The following PDK1 variants were observed in gnomAD, a reference collection of about 807,000 sequenced individuals.
The protein encoded by PDK1 is [Pyruvate dehydrogenase (acetyl-transferring)] kinase isozyme 1, mitochondrial.
In PDK1, 39 loss-of-function variants were observed where a neutral mutation model predicts 54.2. The ratio of observed to expected loss-of-function variants is 0.72; its 90% confidence interval spans 0.56 to 0.94. The LOEUF (loss-of-function observed/expected upper bound fraction) is 0.94. Ranked by LOEUF, PDK1 falls within the 40% of genes least tolerant of loss-of-function variation. The pLI, the probability that PDK1 is intolerant of heterozygous loss-of-function variation, is 0.00. For missense variants in PDK1, 552 were observed against 566.0 expected (o/e 0.98, Z 0.25); for synonymous variants, 221 against 207.1 (o/e 1.07, Z -0.58).
the PDK1 span, among the ~76,000 whole-genome samples, chr2:172,645,260 CTTTTTTTTTTTTT>C: frequency 7.0e-4 from 36 of 51,144 alleles, no homozygotes; most frequent in African/African-American, 2.0e-3. Flanking sequence ...ACAAAATAGG[CTTTTTTTTTTTTT>C]TTTTTTTTTT....
the PDK1 span, among the ~76,000 whole-genome samples, chr2:172,676,440 C>G: frequency 2.6e-5 from 4 of 152,016 alleles, no homozygotes; most frequent in African/African-American, 9.7e-5. Context: ...GGTGTTGAGT[C>G]CAACCTTCAT....
chr2:172,623,146 TAA>T, the PDK1 span, among the ~76,000 whole-genome samples: 1 of 142,802 alleles, frequency 7.0e-6, no homozygotes, highest in Non-Finnish European at 1.5e-5. Context: ...TGAGACTGTT[TAA>T]AAAAAAAAAA....
Position 172,603,548 on chromosome 2 carries a change from TGTC to T in PDK1, c.*7580_*7582del, listed in dbSNP as rs1410457210. On this transcript the variant is annotated 3_prime_UTR_variant, in exon 11 of 11. Coordinates refer to ENST00000282077, the MANE Select transcript of PDK1 (RefSeq NM_002610.5). ...TGGTTAATGAGAGCTTCACTAATGT[TGTC>T]TGCTGCAGGCAATAAGTGAAGTCTC... 6.6e-6 allele frequency: 1 copy of T among 152,212 alleles called. No homozygotes were observed. Among genetic ancestry groups the T allele is most frequent in the Non-Finnish European group, 1.5e-5 (1 of 68,046 alleles). 9.4% of individuals were successfully genotyped at this position (152,212 alleles called of 1,614,324 possible).
chr2:172,569,701 C>A (rs1305639594), intron 7 of PDK1, among the ~76,000 whole-genome samples: 3 of 152,124 alleles, frequency 2.0e-5, no homozygotes, highest in African/African-American at 7.2e-5. Flanking sequence ...CTTACAAAAT[C>A]TTTTTTAAAA....
At chr2:172,651,163 A>C in the PDK1 span, among the ~76,000 whole-genome samples, 8,015 of 152,234 alleles carry the variant, frequency 0.053, 402 homozygotes, top group East Asian at 0.22. Flanking sequence ...ACTCAGGATT[A>C]AGAAACTCAC....
chr2:172,695,129 C>CA, the PDK1 span, among the ~76,000 whole-genome samples: 1 of 151,916 alleles, frequency 6.6e-6, no homozygotes, highest in Non-Finnish European at 1.5e-5. Context: ...AAAAACAAAA[C>CA]AAAAAAAGTT....
At chr2:172,637,684 G>A in the PDK1 span, among the ~76,000 whole-genome samples, 1 of 151,862 alleles carries the variant, frequency 6.6e-6, no homozygotes, top group African/African-American at 2.4e-5. Flanking sequence ...TCAATAGGCT[G>A]CATTTATCTT....
At chr2:172,563,834 CA>C (rs773480530) in intron 3 of PDK1, among the ~76,000 whole-genome samples, 1,930 of 133,566 alleles carry the variant, frequency 0.014, 15 homozygotes, top group Non-Finnish European at 0.022. Flanking sequence ...AATTCCATCT[CA>C]AAAAAAAAAA....
At chr2:172,707,722 A>G in the PDK1 span, among the ~76,000 whole-genome samples, 1 of 152,216 alleles carries the variant, frequency 6.6e-6, no homozygotes, top group South Asian at 2.1e-4. Context: ...AGGGAAAAGT[A>G]TGTCTACTCC....
Position 172,595,895 on chromosome 2 carries a change from A to G in PDK1, c.1237A>G (p.Thr413Ala). 1.2e-6 allele frequency: 2 copies of G among 1,613,936 alleles called. No homozygotes were observed. The highest frequency in any genetic ancestry group is 1.1e-5 in the South Asian group (1 of 91,080). ...YNKAAWKHYN[T>A]NHEADDWCVP... ...CAAAGCTGCCTGGAAGCATTACAAC[A>G]CCAACCACGAGGCTGATGACTGGTG... is the stretch of plus-strand genomic sequence containing the variant. Residue 413 changes from threonine (T) to alanine (A), a missense_variant, in exon 11 of 11, where the codon ACC becomes GCC. By Grantham distance (58) the Thr-to-Ala change is moderately conservative (BLOSUM62 0). Transcript: ENST00000282077.
At chr2:172,576,296 T>C (rs1689583165) in intron 8 of PDK1, among the ~76,000 whole-genome samples, 1 of 152,206 alleles carries the variant, frequency 6.6e-6, no homozygotes, top group Non-Finnish European at 1.5e-5. Flanking sequence ...CAATTGTTCA[T>C]AGTATTCCCT....
At position 172,597,171 on chromosome 2, in the gene PDK1, G is replaced by A. The variant is rs1301885601; in HGVS notation, c.*1202G>A. On this transcript the variant is annotated 3_prime_UTR_variant, in exon 11 of 11. Transcript: ENST00000282077. ...GCCCAGGATGGAGTACAGTGGCATG[G>A]TCAAGGCTCACTGCAGCTTCAATCT... is the stretch of plus-strand genomic sequence containing the variant. 6.6e-6 allele frequency: 1 copy of A among 151,750 alleles called. No homozygotes were observed. The highest frequency in any genetic ancestry group is 1.5e-5 in the Non-Finnish European group (1 of 67,970). The allele number at this position is 151,750 out of a possible 1,614,324, so 9.4% of individuals were successfully genotyped here.
the PDK1 span, among the ~76,000 whole-genome samples, chr2:172,690,829 C>T: frequency 1.5e-5 from 2 of 134,214 alleles, no homozygotes; most frequent in African/African-American, 5.5e-5. Flanking sequence ...GGGTGGGGAA[C>T]ATCACACACT....
At chr2:172,581,120 T>G (rs1442730652) in intron 8 of PDK1, among the ~76,000 whole-genome samples, 1 of 152,146 alleles carries the variant, frequency 6.6e-6, no homozygotes, top group African/African-American at 2.4e-5. Context: ...TGAGATGGAG[T>G]CTCCCTCTGT....
At chr2:172,713,832 C>T in the PDK1 span, among the ~76,000 whole-genome samples, 2 of 152,196 alleles carry the variant, frequency 1.3e-5, no homozygotes, top group Admixed American at 1.3e-4. Context: ...GTTCCCGGCT[C>T]CCCCGGCTCC....
intron 2 of PDK1, 94 bp downstream of exon 2, chr2:172,558,943 T>TTTTTG (rs1293611629): frequency 7.3e-5 from 94 of 1,296,132 alleles, no homozygotes; most frequent in South Asian, 2.0e-4. Flanking sequence ...GGTGGAATCT[T>TTTTTG]TTTTGTTTTG....
At chr2:172,621,907 TTA>T in the PDK1 span, among the ~76,000 whole-genome samples, 1 of 147,096 alleles carries the variant, frequency 6.8e-6, no homozygotes, top group African/African-American at 2.5e-5. Flanking sequence ...TGATATATGT[TTA>T]TATCTCCTAT....
chr2:172,690,503 A>G, the PDK1 span, among the ~76,000 whole-genome samples: 4 of 150,298 alleles, frequency 2.7e-5, 1 homozygote, highest in African/African-American at 7.3e-5. Context: ...ATTACTGGGT[A>G]TATACCCAAA....
intron 7 of PDK1, 80 bp downstream of exon 7, chr2:172,568,897 TA>T (rs1689104263): frequency 1.3e-6 from 1 of 793,152 alleles, no homozygotes; most frequent in Non-Finnish European, 2.2e-6. Context: ...AATATTCCAC[TA>T]GGTTCTCCTA....
Sources: allele counts gnomAD v4.1 joint callset (sites outside exome capture counted in the v4.1 genomes callset), GRCh38; gene constraint gnomAD v4.1.1; transcripts MANE v1.5; gene names NCBI Gene and HGNC (gene_info 2026-07-23, HGNC 2026-07-21).